Variants in PTPRD observed in about 807,000 individuals in gnomAD.
PTPRD encodes receptor-type tyrosine-protein phosphatase delta.
In PTPRD, 34 loss-of-function variants were observed where a neutral mutation model predicts 214.5. The observed-to-expected ratio is 0.16, with a 90% CI of 0.12 to 0.21. PTPRD has a LOEUF of 0.21. Ranked by LOEUF, PTPRD falls within the 10% of genes least tolerant of loss-of-function variation. The probability of loss-of-function intolerance (pLI) is 1.00; values close to 1 mark genes in which losing one functional copy is unlikely to be tolerated. For synonymous variants in PTPRD, 1,128 were observed against 845.7 expected (o/e 1.33, Z -5.79); for missense variants, 2,545 against 2,398.7 (o/e 1.06, Z -1.27).
rs777585274 is a variant in PTPRD, at chr9:9,520,463, G to A, written c.-237+54269C>T. On this transcript the variant is annotated intron_variant, in intron 8 of 45. Transcript: ENST00000381196. ...ACATCTCCATTAAACTGAGGGAGAC[G>A]GAGCATTTAATTTACACATTCCCAT... 6.1e-4 allele frequency among the ~76,000 whole-genome samples: 92 copies of A among 151,988 alleles called. 1 individual carries two copies. The highest frequency in any genetic ancestry group is 1.2e-3 in the Non-Finnish European group (79 of 67,958).
At chr9:9,367,596 T>A (rs566338130) in intron 9 of PTPRD, among the ~76,000 whole-genome samples, 54 of 151,752 alleles carry the variant, frequency 3.6e-4, no homozygotes, top group African/African-American at 1.2e-3. Context: ...GTAACTATCA[T>A]TGGAAGTTTG....
intron 4 of PTPRD, among the ~76,000 whole-genome samples, chr9:9,969,692 A>C (rs956890860): frequency 1.3e-5 from 2 of 152,218 alleles, no homozygotes; most frequent in Admixed American, 1.3e-4. Context: ...CCCCTGGATG[A>C]CTTCTCTGAT....
intron 11 of PTPRD, among the ~76,000 whole-genome samples, chr9:8,985,078 C>A (rs1019932137): frequency 5.3e-5 from 8 of 152,060 alleles, no homozygotes; most frequent in African/African-American, 1.4e-4. Context: ...AGAAAAACAT[C>A]TCGCAACAGA....
rs115234998 is a variant in PTPRD at position 8,676,004 on chromosome 9, G to C, written c.65-39160C>G. 2.3e-3 allele frequency among the ~76,000 whole-genome samples: 350 copies of C among 152,252 alleles called. 1 individual carries two copies. The highest frequency in any genetic ancestry group is 8.0e-3 in the African/African-American group (333 of 41,544). The stretch of plus-strand genomic sequence containing the variant: ...TAACAGGTAAGTCTATTTATGACCT[G>C]AGCCCCGTCGTTCTATCCCATTTTG... On this transcript the variant is annotated intron_variant, in intron 12 of 45. Coordinates refer to ENST00000381196, the MANE Select transcript of PTPRD (RefSeq NM_002839.4).
intron 8 of PTPRD, among the ~76,000 whole-genome samples, chr9:9,437,401 C>T (rs2085712098): frequency 6.6e-6 from 1 of 151,952 alleles, no homozygotes; most frequent in Non-Finnish European, 1.5e-5. Flanking sequence ...GGCTAGATGG[C>T]TGTAATCACA....
At chr9:10,006,225 T>A (rs114900184) in intron 4 of PTPRD, among the ~76,000 whole-genome samples, 1 of 152,050 alleles carries the variant, frequency 6.6e-6, no homozygotes, top group African/African-American at 2.4e-5. Flanking sequence ...ATTGATGATT[T>A]ACATCAGTTC....
chr9:9,552,336 C>G (rs539087147), intron 8 of PTPRD, among the ~76,000 whole-genome samples: 10 of 147,174 alleles, frequency 6.8e-5, no homozygotes, highest in African/African-American at 2.4e-4. Flanking sequence ...GATAATTTCG[C>G]AGTCAATTGC....
At chr9:10,390,810 G>C (rs1427100830) in intron 2 of PTPRD, among the ~76,000 whole-genome samples, 5 of 151,762 alleles carry the variant, frequency 3.3e-5, no homozygotes, top group Non-Finnish European at 5.9e-5. Context: ...GCAGGTTCTA[G>C]ACTTGAGCCT....
intron 4 of PTPRD, among the ~76,000 whole-genome samples, chr9:9,987,988 C>G (rs964526317): frequency 6.6e-6 from 1 of 152,032 alleles, no homozygotes; most frequent in Non-Finnish European, 1.5e-5. Flanking sequence ...TCATTATAAT[C>G]GAGTCAAAAC....
At chr9:8,603,593 G>C (rs1481632277) in intron 14 of PTPRD, among the ~76,000 whole-genome samples, 1 of 152,124 alleles carries the variant, frequency 6.6e-6, no homozygotes, top group African/African-American at 2.4e-5. Context: ...ATGAGAAGCA[G>C]ATGCTGTCAA....
chr9:9,418,062 T>C (rs1306435915), intron 8 of PTPRD, among the ~76,000 whole-genome samples: 1 of 152,098 alleles, frequency 6.6e-6, no homozygotes, highest in Non-Finnish European at 1.5e-5. Context: ...CCTACAGCTT[T>C]TGTTTATCCT....
intron 11 of PTPRD, among the ~76,000 whole-genome samples, chr9:8,848,275 T>C (rs1174286455): frequency 1.3e-5 from 2 of 150,210 alleles, no homozygotes; most frequent in East Asian, 3.9e-4. Flanking sequence ...TCAGAAACGG[T>C]AGAGAGGCAA....
intron 3 of PTPRD, among the ~76,000 whole-genome samples, chr9:10,159,304 G>C (rs2099112795): frequency 6.6e-6 from 1 of 151,814 alleles, no homozygotes; most frequent in Non-Finnish European, 1.5e-5. Flanking sequence ...ATATATCTAA[G>C]CAAATATAGT....
At chr9:10,601,795 T>C (rs1287181630) in intron 2 of PTPRD, among the ~76,000 whole-genome samples, 1 of 151,800 alleles carries the variant, frequency 6.6e-6, no homozygotes, top group Non-Finnish European at 1.5e-5. Flanking sequence ...AGCAGTTCCA[T>C]GAAGGTCTCC....
intron 10 of PTPRD, among the ~76,000 whole-genome samples, chr9:9,137,757 T>C (rs1390070509): frequency 6.6e-6 from 1 of 152,186 alleles, no homozygotes. Context: ...GACAGTTGTA[T>C]ATTACAGCTG....
At chr9:9,409,404 C>G (rs1424560745) in intron 8 of PTPRD, among the ~76,000 whole-genome samples, 2 of 151,916 alleles carry the variant, frequency 1.3e-5, no homozygotes, top group Non-Finnish European at 2.9e-5. Context: ...TGGGCCACTC[C>G]TAGTAACATG....
intron 11 of PTPRD, among the ~76,000 whole-genome samples, chr9:8,879,050 G>A (rs780724011): frequency 1.3e-4 from 20 of 152,158 alleles, no homozygotes; most frequent in Non-Finnish European, 2.6e-4. Context: ...TACTCTGGGT[G>A]AGAATGGAAT....
chr9:10,073,699 A>G (rs2098078583), intron 3 of PTPRD, among the ~76,000 whole-genome samples: 1 of 152,032 alleles, frequency 6.6e-6, no homozygotes, highest in African/African-American at 2.4e-5. Flanking sequence ...CATGCATTGG[A>G]CAATGACTCA....
At chr9:9,609,935 T>A (rs1249552801) in intron 7 of PTPRD, among the ~76,000 whole-genome samples, 1 of 152,188 alleles carries the variant, frequency 6.6e-6, no homozygotes, top group Non-Finnish European at 1.5e-5. Context: ...TACTCCTGAT[T>A]GGCAAAATTA....
Sources: allele counts gnomAD v4.1 joint callset (sites outside exome capture counted in the v4.1 genomes callset), GRCh38; gene constraint gnomAD v4.1.1; transcripts MANE v1.5; gene names NCBI Gene and HGNC (gene_info 2026-07-23, HGNC 2026-07-21).